Variants in AADAT observed in about 807,000 individuals in gnomAD.
AADAT encodes kynurenine/alpha-aminoadipate aminotransferase, mitochondrial.
Under a neutral mutation model 56.2 loss-of-function variants are expected in AADAT, and 25 were observed. The ratio of observed to expected loss-of-function variants is 0.44; its 90% CI spans 0.32 to 0.62. The LOEUF (loss-of-function observed/expected upper bound fraction) is 0.62. Among genes scored for constraint, AADAT ranks in the 20% least tolerant of loss-of-function variants. AADAT has a pLI of 0.04. For missense variants in AADAT, 387 were observed against 510.5 expected, an observed-to-expected ratio of 0.76 and a Z score of 2.33; for synonymous variants, 173 against 164.7, an observed-to-expected ratio of 1.05 and a Z score of -0.39.
At chr4:170,070,923 G>C (rs777839197) in intron 5 of AADAT, among the ~76,000 whole-genome samples, 10 of 151,988 alleles carry the variant, frequency 6.6e-5, no homozygotes, top group Non-Finnish European at 1.5e-4. Context: ...TATTTATTTT[G>C]TTTTTTTGAG....
At chr4:170,073,044 A>G in intron 5 of AADAT, 92 bp downstream of exon 5, 1 of 1,195,352 alleles carries the variant, frequency 8.4e-7, no homozygotes, top group South Asian at 1.5e-5. Context: ...TGAAAGCAAA[A>G]GGCTAAGAAG....
chr4:170,092,463 G>A (rs1414709261), upstream of AADAT, among the ~76,000 whole-genome samples: 1 of 152,202 alleles, frequency 6.6e-6, no homozygotes, highest in Non-Finnish European at 1.5e-5. Context: ...CAACACATCC[G>A]AACCTCAGAA....
intron 6 of AADAT, 24 bp from the exon 7 acceptor site, chr4:170,069,254 C>T (rs767745054): frequency 4.4e-6 from 7 of 1,590,896 alleles, no homozygotes; most frequent in Non-Finnish European, 3.4e-6. Flanking sequence ...ATAAAAAATA[C>T]TGTTGGTCTG....
At chr4:170,080,681 G>T (rs1363777752) in intron 3 of AADAT, among the ~76,000 whole-genome samples, 1 of 152,188 alleles carries the variant, frequency 6.6e-6, no homozygotes, top group East Asian at 1.9e-4. Flanking sequence ...AAATCCTTTG[G>T]GACCTCCCTG....
At chr4:170,061,779 A>AT in intron 12 of AADAT, 113 bp downstream of exon 12, 1 of 703,580 alleles carries the variant, frequency 1.4e-6, no homozygotes, top group Non-Finnish European at 2.1e-6. Context: ...AAATATCTGA[A>AT]TTTTAGAAAC....
intron 11 of AADAT, among the ~76,000 whole-genome samples, chr4:170,062,307 A>G (rs1731230300): frequency 1.3e-5 from 2 of 152,218 alleles, no homozygotes; most frequent in Admixed American, 1.3e-4. Flanking sequence ...CTAAAGAAAG[A>G]TAAATGGTAA....
chr4:170,076,426 C>A (rs6553487), intron 4 of AADAT, among the ~76,000 whole-genome samples: 9,309 of 152,164 alleles, frequency 0.061, 376 homozygotes, highest in Non-Finnish European at 0.091. Flanking sequence ...ATGGAACTTG[C>A]GGCTTTCATA....
At chr4:170,061,436 C>T (rs1314174716) in intron 12 of AADAT, among the ~76,000 whole-genome samples, 2 of 152,146 alleles carry the variant, frequency 1.3e-5, no homozygotes. Context: ...TGGCACTGTT[C>T]AATTTATAGC....
rs756896158 is a variant in AADAT at position 170,066,418 on chromosome 4, T to C, written c.1023A>G (p.Leu341=). The C allele has an allele frequency of 6.2e-7, 1 of 1,613,692 alleles. No homozygotes were observed. Among genetic ancestry groups the C allele is most frequent in the Non-Finnish European group, 8.5e-7 (1 of 1,179,732 alleles). The change falls in exon 10 of 13, where the codon TTA becomes TTG. Residue 341 remains leucine, a synonymous_variant. Transcript: ENST00000337664. ...DAILAAADKW[L]TGLAEWHVPA... is the part of the protein sequence containing the mutation. ...ACGAATATACGTTCCACTCACCAGT[T>C]AACCACTTGTCTGCAGCTGCCAGTA...
At chr4:170,072,929 G>C (rs1731844448) in intron 5 of AADAT, among the ~76,000 whole-genome samples, 1 of 152,096 alleles carries the variant, frequency 6.6e-6, no homozygotes, top group African/African-American at 2.4e-5. Context: ...CAATTATGGG[G>C]AAAGAAAAAT....
At chr4:170,071,343 G>A (rs1326312806) in intron 5 of AADAT, among the ~76,000 whole-genome samples, 2 of 152,186 alleles carry the variant, frequency 1.3e-5, no homozygotes, top group African/African-American at 4.8e-5. Flanking sequence ...AAAATGACAG[G>A]AAGGAGTCAG....
At chr4:170,089,520 G>C in intron 1 of AADAT, 104 bp downstream of exon 1, 1 of 1,257,992 alleles carries the variant, frequency 7.9e-7, no homozygotes, top group African/African-American at 1.5e-5. Context: ...GTGCACAGGG[G>C]TACGCATGGA....
Position 170,088,507 on chromosome 4 carries a change from T to C in AADAT, c.125A>G (p.Asn42Ser), listed in dbSNP as rs1209123754. ...AGTCTTAAAAGGAAACATGTTTGGATTTGGTAAGCCACCAGCCAAGGAGAT... is the reference window on the plus strand; with the variant it reads ...AGTCTTAAAAGGAAACATGTTTGGACTTGGTAAGCCACCAGCCAAGGAGAT... The part of the protein sequence containing the change: ...SMISLAGGLP[N>S]PNMFPFKTAV... The change falls in exon 2 of 13, where the codon AAT (asparagine) becomes AGT (serine). Residue 42 changes from asparagine to serine, a missense_variant. Coordinates refer to ENST00000337664, the MANE Select transcript of AADAT (RefSeq NM_016228.4). 3 of 1,613,844 alleles carry C rather than the reference T, an allele frequency of 1.9e-6. No individual in the cohort carries two copies. The highest frequency in any genetic ancestry group is 2.5e-6 in the Non-Finnish European group (3 of 1,179,760).
Position 170,073,225 on chromosome 4 carries a change from T to C in AADAT, c.565A>G (p.Asn189Asp), listed in dbSNP as rs764216489. 2.6e-5 allele frequency: 42 copies of C among 1,613,956 alleles called. No individual in the cohort carries two copies. Among genetic ancestry groups the C allele is most frequent in the Non-Finnish European group, 3.6e-5 (42 of 1,180,014 alleles). ...KPEDAKNPQK[N>D]TPKFLYTVPN... ...ACAGTATAAAGAAATTTGGGGGTGT[T>C]TTTCTGGGGATTCTTTGCATCTTCT... The change falls in exon 5 of 13, where the codon AAC (asparagine) becomes GAC (aspartate). Residue 189 changes from asparagine (N) to aspartate (D), a missense_variant. Physicochemically the swap from Asn to Asp is conservative, Grantham distance 23 (BLOSUM62 1). Transcript: ENST00000337664.
intron 3 of AADAT, among the ~76,000 whole-genome samples, chr4:170,082,868 A>G (rs1478659967): frequency 3.3e-5 from 5 of 152,058 alleles, no homozygotes; most frequent in Non-Finnish European, 7.4e-5. Context: ...CAATTCAGCA[A>G]GATAATACAA....
Position 170,062,116 on chromosome 4 carries a change from A to G in AADAT, c.1135-123T>C, listed in dbSNP as rs563864565. ...GTTTAAAAGCAGTTAAAGAAATCAC[A>G]AGAAAAAATACTAATTTATATAAAA... On this transcript the variant is annotated intron_variant, in intron 11 of 12. Transcript: ENST00000337664. 20 of 531,480 alleles carry G rather than the reference A, an allele frequency of 3.8e-5. No homozygotes were observed. In the African/African-American group the frequency reaches 3.8e-4, roughly 10 times the overall value. The allele number at this position is 531,480 out of a possible 1,614,324, so 32.9% of individuals were successfully genotyped here.
chr4:170,070,170 C>T (rs1353410781), intron 6 of AADAT, among the ~76,000 whole-genome samples: 1 of 151,894 alleles, frequency 6.6e-6, no homozygotes, highest in African/African-American at 2.4e-5. Context: ...CCTAATCCTT[C>T]TCATACATCA....
intron 5 of AADAT, among the ~76,000 whole-genome samples, chr4:170,071,662 T>G (rs1409793923): frequency 2.6e-5 from 4 of 152,040 alleles, no homozygotes; most frequent in African/African-American, 9.7e-5. Flanking sequence ...CTGGCTGCTG[T>G]GTGAAGAGTG....
At chr4:170,069,770 G>A (rs1348921418) in intron 6 of AADAT, among the ~76,000 whole-genome samples, 1 of 152,136 alleles carries the variant, frequency 6.6e-6, no homozygotes, top group Non-Finnish European at 1.5e-5. Flanking sequence ...GCATGCTGAT[G>A]GTGGGAGGCA....
Sources: gnomAD v4.1 joint callset for allele counts (sites outside exome capture counted in the v4.1 genomes callset) on GRCh38, gnomAD v4.1.1 for gene constraint, MANE v1.5 for transcripts, NCBI Gene and HGNC (gene_info 2026-07-23, HGNC 2026-07-21) for gene names.